NGDN: variants seen among roughly 807,000 people sequenced by gnomAD.
The protein encoded by NGDN is EIF4E-binding protein.
NGDN carries 41 observed loss-of-function variants against 45.2 expected under a neutral mutation model. The observed-to-expected ratio is 0.91, with a 90% CI of 0.71 to 1.18. The LOEUF (loss-of-function observed/expected upper bound fraction) is 1.18, where lower values mean the gene tolerates loss of function less well. NGDN is among the 50% of genes most tolerant of loss of function. The pLI is 0.00. For synonymous variants in NGDN, 137 were observed against 130.9 expected, an observed-to-expected ratio of 1.05 and a Z score of -0.32; for missense variants, 402 against 399.9, an observed-to-expected ratio of 1.01 and a Z score of -0.05.
chr14:23,470,884 G>T (rs774953269), intron 2 of NGDN, 22 bp from the exon 3 acceptor site: 1 of 1,549,072 alleles, frequency 6.5e-7, no homozygotes, highest in South Asian at 1.2e-5. Flanking sequence ...CTAATCACTT[G>T]TTTTATTTGG....
Position 23,470,907 on chromosome 14 carries a change from T to C in NGDN, c.74T>C (p.Val25Ala). 6.4e-7 allele frequency: 1 copy of C among 1,565,094 alleles called. No homozygotes were observed. The highest frequency in any genetic ancestry group is 1.2e-5 in the South Asian group (1 of 82,476). ...TTGTTTTATTTGGGCTAATTTCAGG[T>C]GATGGCTGTAACTGCACAAGTGAAA... ...VTLLKNLQEQ[V>A]MAVTAQVKSL... is the part of the protein sequence containing the mutation. The change falls in exon 3 of 11, where the codon GTG becomes GCG. Residue 25 changes from valine to alanine, a missense_variant and splice_region_variant. Physicochemically the swap from Val to Ala is moderately conservative, Grantham distance 64. Transcript: ENST00000408901.
chr14:23,477,380 T>C, intron 9 of NGDN, 24 bp downstream of exon 9: 1 of 1,613,786 alleles, frequency 6.2e-7, no homozygotes, highest in East Asian at 2.2e-5. Context: ...ATGGTTGTAG[T>C]AGGATGTGAC....
At chr14:23,469,827 T>C (rs1401836894) in intron 1 of NGDN, 100 bp downstream of exon 1, 2 of 1,510,176 alleles carry the variant, frequency 1.3e-6, no homozygotes, top group East Asian at 2.3e-5. Context: ...AGGGTGGTGA[T>C]GAAAGTTGCT....
intron 3 of NGDN, among the ~76,000 whole-genome samples, chr14:23,474,037 C>CAAA (rs10713402): frequency 3.4e-5 from 3 of 88,800 alleles, no homozygotes; most frequent in African/African-American, 1.3e-4. Context: ...GACTCCATCT[C>CAAA]AAAAAAAAAA....
In NGDN at chr14:23,476,406, AG is replaced by A; in HGVS notation, c.713+1del. The stretch of plus-strand genomic sequence containing the variant: ...CCGCCAGAGTCAGGAGGACCAACAC[AG>A]GTCTGAGCCCTTGCATTAGAAATTA... Reference protein sequence around the residue: ...VTRQSQEDQHRINYEESMMVR... With the variant: ...VTRQSQEDQHXINYEESMMVR... On this transcript the variant is annotated frameshift_variant and splice_region_variant, in exon 8 of 11. Transcript: ENST00000408901. LOFTEE classifies it high-confidence loss of function. The A allele has an allele frequency of 3.7e-6, 6 of 1,608,036 alleles. No individual in the cohort carries two copies. Among genetic ancestry groups the A allele is most frequent in the Non-Finnish European group, 5.1e-6 (6 of 1,177,314 alleles).
At position 23,477,321 on chromosome 14, in the gene NGDN, A is replaced by G. The variant is rs909662240; in HGVS notation, c.835A>G (p.Ser279Gly). 1 of 1,614,072 alleles carries G rather than the reference A, an allele frequency of 6.2e-7. No homozygotes were observed. Among genetic ancestry groups the G allele is most frequent in the African/African-American group, 1.3e-5 (1 of 74,924 alleles). The change falls in exon 9 of 11, where the codon AGT becomes GGT. Residue 279 changes from serine (S) to glycine (G), a missense_variant. Coordinates refer to ENST00000408901, the MANE Select transcript of NGDN (RefSeq NM_001042635.2). The stretch of plus-strand genomic sequence containing the variant: ...TTCCCTTACACACTTCAGTGACATC[A>G]GTGCTTTGACAGGGGGAACTGTTCA... The part of the protein sequence containing the change: ...LHSLTHFSDI[S>G]ALTGGTVHLD...
intron 3 of NGDN, among the ~76,000 whole-genome samples, chr14:23,472,107 C>T (rs1258080787): frequency 6.7e-6 from 1 of 149,938 alleles, no homozygotes; most frequent in Admixed American, 6.7e-5. Flanking sequence ...ATCGGTTGAG[C>T]CCAGGAGGTC....
Position 23,477,224 on chromosome 14 carries a change from G to T in NGDN, c.738G>T (p.Met246Ile). The T allele has an allele frequency of 1.2e-6, 2 of 1,614,152 alleles. No individual in the cohort carries two copies. Among genetic ancestry groups the T allele is most frequent in the Non-Finnish European group, 1.7e-6 (2 of 1,179,986 alleles). The change falls in exon 9 of 11, where the codon ATG becomes ATT. Residue 246 changes from methionine to isoleucine, a missense_variant. By Grantham distance (10) the Met-to-Ile change is conservative. Transcript: ENST00000408901. ...GGATTAACTATGAGGAGAGCATGATGGTGCGTTTGAGCGTCAGTAAGCGAG... is the reference window on the plus strand; with the variant it reads ...GGATTAACTATGAGGAGAGCATGATTGTGCGTTTGAGCGTCAGTAAGCGAG... ...QHRINYEESM[M>I]VRLSVSKREK...
In NGDN at chr14:23,472,914, G is replaced by A. The variant is rs1233727712; in HGVS notation, c.144+1937G>A. Among the ~76,000 whole-genome samples, 4 of 152,134 alleles carry A rather than the reference G, an allele frequency of 2.6e-5. No individual in the cohort carries two copies. The East Asian group carries it at 7.7e-4, about 29-fold the overall frequency. On this transcript the variant is annotated intron_variant, in intron 3 of 10. Coordinates refer to ENST00000408901, the MANE Select transcript of NGDN (RefSeq NM_001042635.2). ...TTTTCTCTCATATGCTTGTAGCTCA[G>A]TTTGAATTTGACAATGCCCAAGCAC...
rs748887521 is a variant in NGDN, at chr14:23,470,094, A to G, written c.65A>G (p.Gln22Arg). The G allele has an allele frequency of 1.7e-5, 28 of 1,613,986 alleles. No individual in the cohort carries two copies. In the South Asian group the frequency reaches 2.6e-4, roughly 15 times the overall value. ...GCCGTGACACTTCTGAAAAATCTCC[A>G]GGAGCAAGTGAGTAGTGTCGCCTCT... The part of the protein sequence containing the change: ...PSAVTLLKNL[Q>R]EQVMAVTAQV... The change falls in exon 2 of 11, where the codon CAG becomes CGG. Residue 22 changes from glutamine to arginine, a missense_variant. By Grantham distance (43) the Gln-to-Arg change is conservative. Coordinates refer to ENST00000408901, the MANE Select transcript of NGDN (RefSeq NM_001042635.2).
downstream of NGDN, chr14:23,478,731 C>T (rs1566552699): frequency 5.2e-4 from 3 of 5,824 alleles, no homozygotes; most frequent in African/African-American, 8.4e-4. Flanking sequence ...GACTCTGACC[C>T]CCACCCCCCC....
intron 2 of NGDN, among the ~76,000 whole-genome samples, chr14:23,470,658 C>A (rs1254308055): frequency 2.0e-5 from 3 of 152,142 alleles, no homozygotes; most frequent in Admixed American, 6.5e-5. Context: ...ACTACTCTCT[C>A]AGTCCTTTTC....
chr14:23,477,858 AC>A, intron 10 of NGDN, 148 bp from the exon 11 acceptor site: 1 of 1,523,016 alleles, frequency 6.6e-7, no homozygotes, highest in South Asian at 1.3e-5. Context: ...TTTTATTCCT[AC>A]TTCTCGTCTT....
rs894754154 is a variant in NGDN at position 23,476,340 on chromosome 14, G to T, written c.646G>T (p.Ala216Ser). Residue 216 changes from alanine to serine, a missense_variant, in exon 8 of 11, where the codon GCT (alanine) becomes TCT (serine). Transcript: ENST00000408901. ...IRELKEQYSD[A>S]PEEIRDARHP... Reference sequence around the variant, plus strand: ...TGAACTTAAGGAGCAGTACTCAGATGCTCCAGAGGAAATCCGTGATGCTCG... The same window carrying T: ...TGAACTTAAGGAGCAGTACTCAGATTCTCCAGAGGAAATCCGTGATGCTCG... The T allele has an allele frequency of 3.1e-6, 5 of 1,613,616 alleles. No individual in the cohort carries two copies. In the African/African-American group the frequency reaches 6.7e-5, roughly 22 times the overall value.
In NGDN at chr14:23,477,994, C is replaced by T; in HGVS notation, c.929-13C>T. The T allele has an allele frequency of 1.2e-6, 2 of 1,614,126 alleles. No individual in the cohort carries two copies. Among genetic ancestry groups the T allele is most frequent in the Non-Finnish European group, 8.5e-7 (1 of 1,180,032 alleles). ...CTGTCCTTTGCCTCATTCTTGGTTTCCCTTCCTTTCAGGTTTTCGGAGGCG... is the reference window on the plus strand; with the variant it reads ...CTGTCCTTTGCCTCATTCTTGGTTTTCCTTCCTTTCAGGTTTTCGGAGGCG... On this transcript the variant is annotated splice_polypyrimidine_tract_variant and intron_variant, in intron 10 of 10. Coordinates refer to ENST00000408901, the MANE Select transcript of NGDN (RefSeq NM_001042635.2).
intron 3 of NGDN, among the ~76,000 whole-genome samples, chr14:23,473,225 C>T (rs1466499718): frequency 1.3e-5 from 2 of 152,084 alleles, no homozygotes; most frequent in Non-Finnish European, 2.9e-5. Flanking sequence ...TCTCGAACTC[C>T]TGACCTCAGG....
In NGDN at chr14:23,477,185, GTC is replaced by G; in HGVS notation, c.714-13_714-12del. ...CCATGGTCTGAGCCTGCTGGAAACT[GTC>G]TTTCTCTGGCAGGATTAACTATGAG... On this transcript the variant is annotated splice_polypyrimidine_tract_variant and intron_variant, in intron 8 of 10. Transcript: ENST00000408901. The G allele has an allele frequency of 6.2e-7, 1 of 1,613,636 alleles. No individual in the cohort carries two copies. Among genetic ancestry groups the G allele is most frequent in the Non-Finnish European group, 8.5e-7 (1 of 1,179,738 alleles).
At chr14:23,475,826 C>G in intron 6 of NGDN, 48 bp downstream of exon 6, 1 of 1,560,844 alleles carries the variant, frequency 6.4e-7, no homozygotes, top group Non-Finnish European at 8.8e-7. Context: ...GCAGCTATAC[C>G]TAGATGAGCC....
In NGDN at chr14:23,478,166, C is replaced by T; in HGVS notation, c.*140C>T. The stretch of plus-strand genomic sequence containing the variant: ...AGCCTTACTAATAAAATTGATTTTG[C>T]TTATGAATTAAAGCCCCTTTTTGCA... On this transcript the variant is annotated 3_prime_UTR_variant, in exon 11 of 11. Coordinates refer to ENST00000408901, the MANE Select transcript of NGDN (RefSeq NM_001042635.2). The T allele has an allele frequency of 1.2e-6, 1 of 801,856 alleles. No individual in the cohort carries two copies. Among genetic ancestry groups the T allele is most frequent in the Non-Finnish European group, 2.0e-6 (1 of 502,322 alleles). 49.7% of individuals were successfully genotyped at this position (801,856 alleles called of 1,614,324 possible).
Sources: gnomAD v4.1 joint callset for allele counts (sites outside exome capture counted in the v4.1 genomes callset) on GRCh38, gnomAD v4.1.1 for gene constraint, MANE v1.5 for transcripts, NCBI Gene and HGNC (gene_info 2026-07-23, HGNC 2026-07-21) for gene names.